Variants in ATP8B1 observed in about 807,000 individuals in gnomAD.
The protein encoded by ATP8B1 is phospholipid-transporting ATPase IC.
In ATP8B1, 80 loss-of-function variants were observed where a neutral mutation model predicts 149.9. That is an observed-to-expected ratio of 0.53 (90% CI 0.45 to 0.64). The LOEUF (loss-of-function observed/expected upper bound fraction) is 0.64, where lower values mean the gene tolerates loss of function less well. Ranked by LOEUF, ATP8B1 falls within the 30% of genes least tolerant of loss-of-function variation. The pLI is 0.00. For missense variants in ATP8B1, 1,247 were observed against 1,552.6 expected, an observed-to-expected ratio of 0.80 and a Z score of 3.31; for synonymous variants, 536 against 562.8, an observed-to-expected ratio of 0.95 and a Z score of 0.67.
At chr18:57,787,712 T>G (rs918818179) in intron 1 of ATP8B1, among the ~76,000 whole-genome samples, 2 of 152,246 alleles carry the variant, frequency 1.3e-5, no homozygotes, top group African/African-American at 4.8e-5. Context: ...CCTTTAAAAA[T>G]GCTCTAAAGT....
rs10680324 is a variant in ATP8B1 at position 57,744,307 on chromosome 18, C to CAAAAA, written c.-25-12480_-25-12476dup. ...CCTGGGTGACAGAGTGAGACTGTCT[C>CAAAAA]AAAAAAAAAAAAAAAAAAGAAAGAA... On this transcript the variant is annotated intron_variant, in intron 1 of 27. Coordinates refer to ENST00000648908, the MANE Select transcript of ATP8B1 (RefSeq NM_001374385.1). 1.1e-3 allele frequency among the ~76,000 whole-genome samples: 106 copies of CAAAAA among 97,736 alleles called. 1 individual carries two copies. Among genetic ancestry groups the CAAAAA allele is most frequent in the Non-Finnish European group, 1.4e-3 (74 of 51,230 alleles). The allele number at this position is 97,736 out of a possible 152,430, so 64.1% of individuals were successfully genotyped here. A position where few individuals can be genotyped will look rare whatever the true frequency, so the allele number is the denominator to read the frequency against.
At position 57,648,408 on chromosome 18, in the gene ATP8B1, A is replaced by ACG. The variant is rs1259746141; in HGVS notation, c.*79_*80insCG. ...TATCTTTGTGATGAATGCAATTCAC[A>ACG]CACACACACAAAGTCCTGAGAGTCT... On this transcript the variant is annotated 3_prime_UTR_variant, in exon 28 of 28. Transcript: ENST00000648908. 1 of 1,450,202 alleles carries ACG rather than the reference A, an allele frequency of 6.9e-7. No homozygotes were observed. The highest frequency in any genetic ancestry group is 1.4e-5 in the African/African-American group (1 of 71,636). The allele number at this position is 1,450,202 out of a possible 1,614,324, so 89.8% of individuals were successfully genotyped here. A position where few individuals can be genotyped will look rare whatever the true frequency, so the allele number is the denominator to read the frequency against.
At chr18:57,744,664 T>A (rs916533518) in intron 1 of ATP8B1, among the ~76,000 whole-genome samples, 18 of 152,196 alleles carry the variant, frequency 1.2e-4, no homozygotes, top group Non-Finnish European at 2.5e-4. Context: ...GCTTTAAAGT[T>A]ATATTCATGT....
intron 2 of ATP8B1, among the ~76,000 whole-genome samples, chr18:57,710,019 C>T (rs1456683507): frequency 1.4e-5 from 2 of 147,984 alleles, no homozygotes; most frequent in African/African-American, 2.5e-5. Flanking sequence ...TTTTAAGAGA[C>T]GGAGTCTCAC....
At chr18:57,790,636 T>C (rs917229181) in intron 1 of ATP8B1, among the ~76,000 whole-genome samples, 29 of 152,132 alleles carry the variant, frequency 1.9e-4, no homozygotes, top group Non-Finnish European at 4.0e-4. Flanking sequence ...AAGTATAACC[T>C]CCTTCAAGAG....
intron 27 of ATP8B1, among the ~76,000 whole-genome samples, chr18:57,649,278 AGATT>A (rs1391293811): frequency 2.6e-5 from 4 of 151,950 alleles, no homozygotes; most frequent in Non-Finnish European, 4.4e-5. Flanking sequence ...ATCTATACAT[AGATT>A]GATTGATCAA....
At chr18:57,672,931 T>TAAAA (rs1555690213) in intron 16 of ATP8B1, among the ~76,000 whole-genome samples, 44 of 33,184 alleles carry the variant, frequency 1.3e-3, no homozygotes, top group East Asian at 5.5e-3. Context: ...TATATATATA[T>TAAAA]AACATGTATA....
At chr18:57,674,241 CAAAA>C (rs745500180) in intron 16 of ATP8B1, among the ~76,000 whole-genome samples, 2 of 82,596 alleles carry the variant, frequency 2.4e-5, no homozygotes, top group Non-Finnish European at 2.3e-5. Context: ...GACTCCATCT[CAAAA>C]AAAAAAAAAA....
rs752757689 is a variant in ATP8B1, at chr18:57,655,280, TG to T, written c.2844del (p.Cys948Ter). On this transcript the variant is annotated frameshift_variant, in exon 23 of 28. Transcript: ENST00000648908. LOFTEE classifies it high-confidence loss of function. ...VHGRWSYIRM[C>X]KFLRYFFYKN... Reference sequence around the variant, plus strand: ...TTGTAAAAGAAGTATCGTAGGAACTTGCACATCCTTATGTAAGACCATCGGC... The same window carrying T: ...TTGTAAAAGAAGTATCGTAGGAACTTCACATCCTTATGTAAGACCATCGGC... 3 of 1,614,112 alleles carry T rather than the reference TG, an allele frequency of 1.9e-6. No homozygotes were observed. The highest frequency in any genetic ancestry group is 2.5e-6 in the Non-Finnish European group (3 of 1,180,034).
At position 57,653,389 on chromosome 18, in the gene ATP8B1, A is replaced by T. The variant is rs531143628; in HGVS notation, c.3015+603T>A. On this transcript the variant is annotated intron_variant, in intron 24 of 27. Coordinates refer to ENST00000648908, the MANE Select transcript of ATP8B1 (RefSeq NM_001374385.1). ...AGCTTCAACCTTCCAGGCTCAAGCG[A>T]TCCTCCCACCTCATCCTGCCAAGTA... 4.0e-5 allele frequency among the ~76,000 whole-genome samples: 6 copies of T among 149,480 alleles called. No individual in the cohort carries two copies. In the East Asian group the frequency reaches 1.2e-3, roughly 29 times the overall value.
intron 17 of ATP8B1, 99 bp from the exon 18 acceptor site, chr18:57,669,581 C>T: frequency 8.9e-7 from 1 of 1,118,358 alleles, no homozygotes; most frequent in Admixed American, 2.3e-5. Context: ...AATATACTAA[C>T]AGAATTTAAA....
chr18:57,655,525 A>T, intron 22 of ATP8B1, 108 bp from the exon 23 acceptor site: 1 of 970,466 alleles, frequency 1.0e-6, no homozygotes, highest in South Asian at 1.3e-5. Flanking sequence ...ACAGACATTG[A>T]TGGAACAATA....
chr18:57,713,232 C>CTTTCT, intron 2 of ATP8B1, among the ~76,000 whole-genome samples: 1 of 105,968 alleles, frequency 9.4e-6, no homozygotes, highest in African/African-American at 3.9e-5. Flanking sequence ...TCCTTCCTTC[C>CTTTCT]TTCCTTCCTT....
intron 21 of ATP8B1, among the ~76,000 whole-genome samples, 157 bp from the exon 22 acceptor site, chr18:57,661,619 ATG>A (rs1568183373): frequency 6.8e-6 from 1 of 146,386 alleles, no homozygotes; most frequent in Non-Finnish European, 1.5e-5. Context: ...ATGTATATAT[ATG>A]TGTGCGTGTG....
At chr18:57,773,393 G>A (rs1003744396) in intron 1 of ATP8B1, among the ~76,000 whole-genome samples, 3 of 152,030 alleles carry the variant, frequency 2.0e-5, no homozygotes, top group Non-Finnish European at 4.4e-5. Context: ...ACTTTCAGAG[G>A]CAGAGGCAGC....
chr18:57,715,402 G>A (rs959723317), intron 2 of ATP8B1, among the ~76,000 whole-genome samples: 2 of 152,156 alleles, frequency 1.3e-5, no homozygotes, highest in Non-Finnish European at 2.9e-5. Context: ...AAATCTAAGA[G>A]TTATTGGCAT....
intron 20 of ATP8B1, 109 bp downstream of exon 20, chr18:57,666,983 A>G (rs942875755): frequency 2.0e-6 from 2 of 986,422 alleles, no homozygotes; most frequent in African/African-American, 1.6e-5. Context: ...AACTGCCCCA[A>G]GTGACACATC....
At chr18:57,693,331 C>G (rs940954369) in intron 11 of ATP8B1, among the ~76,000 whole-genome samples, 26 of 152,240 alleles carry the variant, frequency 1.7e-4, no homozygotes, top group African/African-American at 6.0e-4. Context: ...CTCCGAAGGC[C>G]GGCTTGCAAG....
At chr18:57,669,203 A>G in intron 18 of ATP8B1, 115 bp downstream of exon 18, 1 of 1,127,662 alleles carries the variant, frequency 8.9e-7, no homozygotes, top group Non-Finnish European at 1.2e-6. Context: ...GCCAGTGTCA[A>G]ATGCTGAAGT....
Sources: allele counts gnomAD v4.1 joint callset (sites outside exome capture counted in the v4.1 genomes callset), GRCh38; gene constraint gnomAD v4.1.1; transcripts MANE v1.5; gene names NCBI Gene and HGNC (gene_info 2026-07-23, HGNC 2026-07-21).